Variants in RAB3IP observed in about 807,000 individuals in gnomAD.
The protein encoded by RAB3IP is RAB3A interacting protein, also known as rab-3A-interacting protein.
RAB3IP carries 36 observed loss-of-function variants against 59.1 expected under a neutral mutation model. The observed-to-expected ratio is 0.61, with a 90% CI of 0.47 to 0.80. The LOEUF (loss-of-function observed/expected upper bound fraction) is 0.80, where lower values mean the gene tolerates loss of function less well. Among genes scored for constraint, RAB3IP ranks in the 30% least tolerant of loss-of-function variants. The pLI is 0.00. For missense variants in RAB3IP, 511 were observed against 536.0 expected, an observed-to-expected ratio of 0.95 and a Z score of 0.46; for synonymous variants, 207 against 191.2, an observed-to-expected ratio of 1.08 and a Z score of -0.68.
At chr12:69,759,594 C>T (rs556787547) in intron 3 of RAB3IP, among the ~76,000 whole-genome samples, 5,258 of 146,836 alleles carry the variant, frequency 0.036, 147 homozygotes, top group Admixed American at 0.051. Context: ...CCGGACGGGG[C>T]GGCGGCCGGG....
At chr12:69,795,375 CTG>C in intron 6 of RAB3IP, 31 bp downstream of exon 6, 1 of 1,543,230 alleles carries the variant, frequency 6.5e-7, no homozygotes, top group East Asian at 2.3e-5. Flanking sequence ...CCCTCTGACT[CTG>C]TTGATACTTG....
chr12:69,773,361 A>G (rs1256777690), intron 3 of RAB3IP, among the ~76,000 whole-genome samples: 4 of 54,390 alleles, frequency 7.4e-5, no homozygotes, highest in Non-Finnish European at 1.7e-4. Context: ...ATGTTCTGTT[A>G]TTATTTTTTT....
At chr12:69,761,060 A>G (rs1260463267) in intron 3 of RAB3IP, among the ~76,000 whole-genome samples, 7 of 152,178 alleles carry the variant, frequency 4.6e-5, no homozygotes, top group Admixed American at 4.6e-4. Flanking sequence ...CTTATCTCAC[A>G]GCTTGCTGGT....
rs960528993 is a variant in RAB3IP, at chr12:69,807,923, G to T, written c.1131-4855G>T. 2.6e-5 allele frequency among the ~76,000 whole-genome samples: 4 copies of T among 151,996 alleles called. No homozygotes were observed. The East Asian group carries it at 7.8e-4, about 29-fold the overall frequency. ...CCAGATGGGGCGGCCGGGCGGAGGC[G>T]CTCCTCACCTCCCAGACGGGTTGGC... On this transcript the variant is annotated intron_variant, in intron 8 of 10. Transcript: ENST00000247833.
intron 10 of RAB3IP, among the ~76,000 whole-genome samples, chr12:69,814,111 TTC>T (rs1412760210): frequency 6.6e-6 from 1 of 152,160 alleles, no homozygotes; most frequent in African/African-American, 2.4e-5. Context: ...TAAAACTGAA[TTC>T]TTTTTGAATA....
At chr12:69,739,586 G>GTA in intron 1 of RAB3IP, 1 of 571,254 alleles carries the variant, frequency 1.8e-6, no homozygotes, top group Non-Finnish European at 3.1e-6. Flanking sequence ...GTGCTGAGGC[G>GTA]TAGAGGTCAC....
chr12:69,756,723 G>A, intron 3 of RAB3IP, 60 bp downstream of exon 3: 1 of 1,377,940 alleles, frequency 7.3e-7, no homozygotes, highest in East Asian at 2.5e-5. Context: ...ATTTCTCCAT[G>A]GGGTGGGGCA....
rs1881474332 is a variant in RAB3IP at position 69,819,455 on chromosome 12, AT to A, written c.*4011del. The A allele has an allele frequency of 6.6e-6, 1 of 152,298 alleles. No individual in the cohort carries two copies. The allele number at this position is 152,298 out of a possible 1,614,324, so 9.4% of individuals were successfully genotyped here. A position where few individuals can be genotyped will look rare whatever the true frequency, so the allele number is the denominator to read the frequency against. ...GCAGGTATTGGATGTACAAATCTAA[AT>A]TCAGTAAGGTCAGTCCAGGAGAAAA... On this transcript the variant is annotated 3_prime_UTR_variant, in exon 11 of 11. Transcript: ENST00000247833.
chr12:69,773,180 T>C lies in RAB3IP; in HGVS notation c.511-11540T>C, dbSNP rs540113325. Among the ~76,000 whole-genome samples, 16 of 152,242 alleles carry C rather than the reference T, an allele frequency of 1.1e-4. No homozygotes were observed. In the East Asian group the frequency reaches 3.1e-3, roughly 29 times the overall value. On this transcript the variant is annotated intron_variant, in intron 3 of 10. Coordinates refer to ENST00000247833, the MANE Select transcript of RAB3IP (RefSeq NM_022456.5). ...TGGTGCCAGGCATATTGGAATTCTT[T>C]TGTATGTTAACTTGCTTCTTTTCTC...
intron 8 of RAB3IP, among the ~76,000 whole-genome samples, chr12:69,801,999 C>A (rs1878461576): frequency 6.9e-6 from 1 of 145,418 alleles, no homozygotes; most frequent in Non-Finnish European, 1.5e-5. Context: ...ATTACTTTTG[C>A]ACCAACCCAA....
rs934447672 is a variant in RAB3IP, at chr12:69,755,460, A to G, written c.52A>G (p.Thr18Ala). The change falls in exon 2 of 11, where the codon ACT becomes GCT. Residue 18 changes from threonine (T) to alanine (A), a missense_variant. Coordinates refer to ENST00000247833, the MANE Select transcript of RAB3IP (RefSeq NM_022456.5). ...GFHEVNLASP[T>A]SPDLLGVYES... ...CCATGAAGTAAACCTTGCTTCACCTACTTCTCCGGACCTTCTTGGTGTGTA... is the reference window on the plus strand; with the variant it reads ...CCATGAAGTAAACCTTGCTTCACCTGCTTCTCCGGACCTTCTTGGTGTGTA... The G allele has an allele frequency of 3.1e-6, 5 of 1,613,912 alleles. No individual in the cohort carries two copies. The highest frequency in any genetic ancestry group is 1.3e-5 in the African/African-American group (1 of 74,878).
At position 69,796,637 on chromosome 12, in the gene RAB3IP, G is replaced by T. The variant is rs972786289; in HGVS notation, c.888+1293G>T. 3 of 625,808 alleles carry T rather than the reference G, an allele frequency of 4.8e-6. No individual in the cohort carries two copies. In the East Asian group the frequency reaches 9.0e-5, roughly 19 times the overall value. The allele number at this position is 625,808 out of a possible 1,614,324, so 38.8% of individuals were successfully genotyped here. A position where few individuals can be genotyped will look rare whatever the true frequency, so the allele number is the denominator to read the frequency against. ...ATTTTGACGAATTATCAATAAAAATGATGCTGGTAAGAGAGAAGTTCAATA... is the reference window on the plus strand; with the variant it reads ...ATTTTGACGAATTATCAATAAAAATTATGCTGGTAAGAGAGAAGTTCAATA... On this transcript the variant is annotated intron_variant, in intron 6 of 10. Transcript: ENST00000247833.
intron 3 of RAB3IP, among the ~76,000 whole-genome samples, chr12:69,765,098 G>C (rs1002254354): frequency 7.9e-5 from 12 of 152,130 alleles, no homozygotes; most frequent in Non-Finnish European, 1.3e-4. Context: ...GAGGTAATTT[G>C]ACTTTTTCTT....
intron 1 of RAB3IP, among the ~76,000 whole-genome samples, chr12:69,742,663 G>A (rs1331971709): frequency 6.6e-6 from 1 of 152,198 alleles, no homozygotes; most frequent in Admixed American, 6.5e-5. Flanking sequence ...ATGTTAGGAT[G>A]TTTTGAAGCT....
intron 3 of RAB3IP, among the ~76,000 whole-genome samples, chr12:69,775,438 TC>T (rs1873760007): frequency 8.2e-6 from 1 of 122,384 alleles, no homozygotes; most frequent in Non-Finnish European, 1.7e-5. Context: ...GGCCAGAACT[TC>T]CAACACTATG....
intron 3 of RAB3IP, among the ~76,000 whole-genome samples, chr12:69,758,504 T>G (rs1398163089): frequency 6.6e-6 from 1 of 152,182 alleles, no homozygotes; most frequent in African/African-American, 2.4e-5. Flanking sequence ...CTTATCACTC[T>G]CTACCTTCCG....
At chr12:69,784,605 A>G (rs1875318957) in intron 3 of RAB3IP, 115 bp from the exon 4 acceptor site, 2 of 434,558 alleles carry the variant, frequency 4.6e-6, no homozygotes, top group Non-Finnish European at 7.8e-6. Flanking sequence ...CAATGTGAAC[A>G]TTGTCAGAAG....
chr12:69,768,034 T>C (rs1418742227), intron 3 of RAB3IP, among the ~76,000 whole-genome samples: 1 of 152,138 alleles, frequency 6.6e-6, no homozygotes, highest in Non-Finnish European at 1.5e-5. Context: ...CCAGGATATC[T>C]GCACAGGAAG....
chr12:69,780,937 G>C (rs905578326), intron 3 of RAB3IP, among the ~76,000 whole-genome samples: 1 of 151,756 alleles, frequency 6.6e-6, no homozygotes, highest in African/African-American at 2.4e-5. Flanking sequence ...ATACTAAACT[G>C]TCTCTTCCCT....
Sources: gnomAD v4.1 joint callset for allele counts (sites outside exome capture counted in the v4.1 genomes callset) on GRCh38, gnomAD v4.1.1 for gene constraint, MANE v1.5 for transcripts, NCBI Gene and HGNC (gene_info 2026-07-23, HGNC 2026-07-21) for gene names.